The following EXD1 variants were observed in gnomAD, a reference collection of about 807,000 sequenced individuals.
EXD1 encodes exonuclease 3'-5' domain containing 1.
Under a neutral mutation model 49.1 loss-of-function variants are expected in EXD1, and 63 were observed. The observed-to-expected ratio is 1.28, with a 90% CI of 1.05 to 1.58. The LOEUF is 1.58. Ranked by LOEUF, EXD1 falls within the 40% of genes most tolerant of loss-of-function variation. The pLI, the probability that EXD1 is intolerant of heterozygous loss-of-function variation, is 0.00. For missense variants in EXD1, 748 were observed against 666.0 expected (o/e 1.12, Z -1.36); for synonymous variants, 234 against 239.2 (o/e 0.98, Z 0.20).
At chr15:41,215,855 A>G (rs774662909) in intron 5 of EXD1, 22 bp from the exon 6 acceptor site, 1 of 1,610,662 alleles carries the variant, frequency 6.2e-7, no homozygotes, top group Admixed American at 1.7e-5. Flanking sequence ...GGATTGCATT[A>G]GATATATTTC....
At chr15:41,219,262 C>T (rs1243148626) in intron 3 of EXD1, among the ~76,000 whole-genome samples, 3 of 151,930 alleles carry the variant, frequency 2.0e-5, no homozygotes, top group African/African-American at 7.3e-5. Flanking sequence ...TTCCAAAATC[C>T]GAAAATCTCT....
At chr15:41,197,780 C>T (rs1274234450) in intron 7 of EXD1, among the ~76,000 whole-genome samples, 1 of 151,796 alleles carries the variant, frequency 6.6e-6, no homozygotes, top group Admixed American at 6.6e-5. Context: ...CCCGCCACCA[C>T]ACCTGGCTAA....
In EXD1 at chr15:41,184,402, T is replaced by G. The variant is rs1489084002; in HGVS notation, c.1248A>C (p.Lys416Asn). ...EEKVKGFLFG[K>N]NFRIDKAPSF... is the part of the protein sequence containing the mutation. The stretch of plus-strand genomic sequence containing the variant: ...TTGGAGCTTTATCTATCCTAAAATT[T>G]TTACCAAATAAGAAGCCTTTGACTT... The change falls in exon 12 of 12, where the codon AAA becomes AAC. Residue 416 changes from lysine (K) to asparagine (N), a missense_variant. By Grantham distance (94) the Lys-to-Asn change is moderately conservative (BLOSUM62 0). Transcript: ENST00000458580. 1.2e-6 allele frequency: 2 copies of G among 1,613,938 alleles called. No homozygotes were observed. Among genetic ancestry groups the G allele is most frequent in the East Asian group, 2.2e-5 (1 of 44,896 alleles).
At chr15:41,222,079 G>A (rs1009177426) in intron 2 of EXD1, among the ~76,000 whole-genome samples, 5 of 151,644 alleles carry the variant, frequency 3.3e-5, no homozygotes, top group Non-Finnish European at 5.9e-5. Context: ...CAGACTGGGC[G>A]ACAGAGTGAG....
In EXD1 at chr15:41,183,925, C is replaced by T. The variant is rs748049224; in HGVS notation, c.*6G>A. 1 of 1,568,042 alleles carries T rather than the reference C, an allele frequency of 6.4e-7. No homozygotes were observed. The highest frequency in any genetic ancestry group is 2.3e-5 in the East Asian group (1 of 44,438). ...CTGTATGGCCTTAAGAACAAACTGC[C>T]CATCTCTAGGGCAGATTTAGAAAAG... On this transcript the variant is annotated 3_prime_UTR_variant, in exon 12 of 12. Transcript: ENST00000458580.
At position 41,184,591 on chromosome 15, in the gene EXD1, A is replaced by C; in HGVS notation, c.1059T>G (p.Pro353=). ...GSADRLGGTE[P]TCMELPEELL... ...GTTCCTCTGGCAGCTCCATACATGT[A>C]GGCTAAGAAGAGAAAGCGAACACAA... Residue 353 remains proline (P), a splice_region_variant and synonymous_variant, in exon 12 of 12, where the codon CCT becomes CCG. Transcript: ENST00000458580. The C allele has an allele frequency of 6.4e-7, 1 of 1,565,882 alleles. No homozygotes were observed.
intron 3 of EXD1, among the ~76,000 whole-genome samples, chr15:41,217,925 A>T (rs917647607): frequency 6.6e-6 from 1 of 152,258 alleles, no homozygotes; most frequent in Non-Finnish European, 1.5e-5. Context: ...GAGCAGAGAA[A>T]AGGTAAAATT....
chr15:41,191,691 AC>A, intron 9 of EXD1, 106 bp from the exon 10 acceptor site: 2 of 1,096,976 alleles, frequency 1.8e-6, no homozygotes, highest in Non-Finnish European at 2.6e-6. Context: ...TTCCCCAAGG[AC>A]CCACACGATA....
chr15:41,185,415 G>T (rs533705161), intron 11 of EXD1, among the ~76,000 whole-genome samples: 1 of 151,914 alleles, frequency 6.6e-6, no homozygotes, highest in Non-Finnish European at 1.5e-5. Flanking sequence ...GTGTGATCAT[G>T]GCTCACTGTA....
intron 7 of EXD1, among the ~76,000 whole-genome samples, chr15:41,199,753 A>AATATATCATAAATG (rs1326775145): frequency 1.0e-5 from 1 of 96,888 alleles, no homozygotes; most frequent in Admixed American, 1.3e-4. Context: ...TATATTATAT[A>AATATATCATAAATG]TGATACATAT....
chr15:41,222,982 G>A (rs1006100395), intron 2 of EXD1, among the ~76,000 whole-genome samples: 2 of 150,098 alleles, frequency 1.3e-5, no homozygotes, highest in African/African-American at 4.9e-5. Flanking sequence ...GTGGGGTCTT[G>A]TGCTGTTGCC....
rs1025169088 is a variant in EXD1 at position 41,230,329 on chromosome 15, C to T, written c.-54+150G>A. 54 of 704,264 alleles carry T rather than the reference C, an allele frequency of 7.7e-5. No individual in the cohort carries two copies. In the Admixed American group the frequency reaches 1.2e-3, roughly 16 times the overall value. The allele number at this position is 704,264 out of a possible 1,614,324, so 43.6% of individuals were successfully genotyped here. ...AACTCACGACCTCAGGTGTTCTGCC[C>T]ACCTCGGCCTCCCAAAGTGCTGGGA... On this transcript the variant is annotated intron_variant, in intron 1 of 11. Transcript: ENST00000458580.
rs1254411536 is a variant in EXD1 at position 41,230,753 on chromosome 15, C to T, written c.-328G>A. 1.0e-5 allele frequency: 6 copies of T among 572,536 alleles called. No individual in the cohort carries two copies. Among genetic ancestry groups the T allele is most frequent in the Non-Finnish European group, 1.8e-5 (6 of 326,858 alleles). The allele number at this position is 572,536 out of a possible 1,614,324, so 35.5% of individuals were successfully genotyped here. Reference sequence around the variant, plus strand: ...GCCCGCCCGGCCCAACGTCCAGTCTCGTCTGTTTCCCGAGGAGCCAATCAG... The same window carrying T: ...GCCCGCCCGGCCCAACGTCCAGTCTTGTCTGTTTCCCGAGGAGCCAATCAG... On this transcript the variant is annotated 5_prime_UTR_variant, in exon 1 of 12. Coordinates refer to ENST00000458580, the MANE Select transcript of EXD1 (RefSeq NM_001286441.2).
chr15:41,219,055 C>T, intron 3 of EXD1, among the ~76,000 whole-genome samples: 1 of 152,034 alleles, frequency 6.6e-6, no homozygotes, highest in South Asian at 2.1e-4. Flanking sequence ...CTGATCTGTA[C>T]TCCTCCTTAA....
intron 7 of EXD1, among the ~76,000 whole-genome samples, chr15:41,200,815 T>C (rs558339): frequency 0.97 from 147,780 of 152,078 alleles, 71,900 homozygotes; most frequent in East Asian, 1. Context: ...AGAGTAGCAG[T>C]AGAATTGTTT....
intron 6 of EXD1, 110 bp downstream of exon 6, chr15:41,215,665 G>C: frequency 8.9e-7 from 1 of 1,125,072 alleles, no homozygotes; most frequent in Non-Finnish European, 1.3e-6. Context: ...CAACCTGGGC[G>C]ATAGAGCAAG....
intron 7 of EXD1, among the ~76,000 whole-genome samples, chr15:41,207,773 G>A (rs1389144655): frequency 6.6e-6 from 1 of 151,952 alleles, no homozygotes; most frequent in Non-Finnish European, 1.5e-5. Flanking sequence ...CACTTTGGGA[G>A]GTTGAGGTGG....
chr15:41,205,862 T>C (rs1246721348), intron 7 of EXD1, among the ~76,000 whole-genome samples: 1 of 151,240 alleles, frequency 6.6e-6, no homozygotes, highest in Non-Finnish European at 1.5e-5. Context: ...CGTAATAACA[T>C]ATAGACTAAA....
At chr15:41,191,413 A>G (rs749482910) in intron 10 of EXD1, 29 bp downstream of exon 10, 5 of 1,543,322 alleles carry the variant, frequency 3.2e-6, no homozygotes, top group Admixed American at 3.8e-5. Context: ...AAAAAAAATA[A>G]TGTCATACAG....
Sources: gnomAD v4.1 joint callset for allele counts (sites outside exome capture counted in the v4.1 genomes callset) on GRCh38, gnomAD v4.1.1 for gene constraint, MANE v1.5 for transcripts, NCBI Gene and HGNC (gene_info 2026-07-23, HGNC 2026-07-21) for gene names.